The following STK31 variants were observed in gnomAD, a reference collection of about 807,000 sequenced individuals.
The protein encoded by STK31 is serine/threonine-protein kinase 31.
Under a neutral mutation model 129.7 loss-of-function variants are expected in STK31, and 89 were observed. The ratio of observed to expected loss-of-function variants is 0.69; its 90% CI spans 0.58 to 0.82. The LOEUF is 0.82. STK31 is among the 40% of genes least tolerant of loss of function. The probability of loss-of-function intolerance (pLI) is 0.00; values close to 1 mark genes in which losing one functional copy is unlikely to be tolerated. For missense variants in STK31, 1,187 were observed against 1,176.4 expected, an observed-to-expected ratio of 1.01 and a Z score of -0.13; for synonymous variants, 448 against 395.3, an observed-to-expected ratio of 1.13 and a Z score of -1.58.
chr7:23,763,316 G>A lies in STK31; in HGVS notation c.1416+393G>A, dbSNP rs888605360. ...AGGGTTTTTAGGCTCCATGACCAGG[G>A]AAGTTTCTCCCTGATGTGATCAGAG... On this transcript the variant is annotated intron_variant, in intron 11 of 23. Transcript: ENST00000355870. Among the ~76,000 whole-genome samples, 7 of 152,136 alleles carry A rather than the reference G, an allele frequency of 4.6e-5. No homozygotes were observed. The East Asian group carries it at 1.3e-3, about 29-fold the overall frequency.
At chr7:23,773,043 A>G (rs1790299329) in intron 15 of STK31, among the ~76,000 whole-genome samples, 1 of 151,996 alleles carries the variant, frequency 6.6e-6, no homozygotes, top group South Asian at 2.1e-4. Context: ...CAACTTTTGG[A>G]GAAATCTGAC....
At position 23,735,541 on chromosome 7, in the gene STK31, A is replaced by G. The variant is rs1787667115; in HGVS notation, c.487A>G (p.Thr163Ala). ...TTTATGTTTTCTTCTTTCTTAGGGC[A>G]CAACCTTTTTGGGGAGCTTGATTTT... ...DQEVTQFDQG[T>A]TFLGSLIFEK... The change falls in exon 7 of 24, where the codon ACA becomes GCA. Residue 163 changes from threonine to alanine, a missense_variant. Around this residue, in one of 5 missense-constraint regions of STK31, gnomAD observed 103 missense variants for 110.4 expected, o/e 0.93. Transcript: ENST00000355870. 2 of 1,591,952 alleles carry G rather than the reference A, an allele frequency of 1.3e-6. No individual in the cohort carries two copies. Among genetic ancestry groups the G allele is most frequent in the Non-Finnish European group, 1.7e-6 (2 of 1,168,314 alleles).
At chr7:23,795,175 TG>T (rs1193675991) in intron 22 of STK31, among the ~76,000 whole-genome samples, 1 of 152,214 alleles carries the variant, frequency 6.6e-6, no homozygotes. Flanking sequence ...AATGGTTTCA[TG>T]GGCTGGGCCC....
In STK31 at chr7:23,810,600, T is replaced by TTA. The variant is rs60718598; in HGVS notation, c.2761-4527_2761-4526dup. On this transcript the variant is annotated intron_variant, in intron 22 of 23. Coordinates refer to ENST00000355870, the MANE Select transcript of STK31 (RefSeq NM_031414.5). ...GAAAAAATTTTAAGAGTCCATCTTT[T>TTA]TATATATATATATATATAATATATA... 3.4e-4 allele frequency among the ~76,000 whole-genome samples: 45 copies of TTA among 133,144 alleles called. 1 individual carries two copies. Among genetic ancestry groups the TTA allele is most frequent in the Non-Finnish European group, 5.6e-4 (36 of 63,794 alleles). 87.3% of individuals were successfully genotyped at this position (133,144 alleles called of 152,430 possible).
chr7:23,797,696 A>G (rs905197664), intron 22 of STK31, among the ~76,000 whole-genome samples: 6 of 152,204 alleles, frequency 3.9e-5, no homozygotes, highest in South Asian at 2.1e-4. Context: ...ATCACAATTA[A>G]AAGATCTACA....
intron 14 of STK31, 156 bp downstream of exon 14, chr7:23,771,280 A>G (rs1584417745): frequency 1.3e-5 from 8 of 610,350 alleles, no homozygotes; most frequent in Non-Finnish European, 1.7e-5. Flanking sequence ...TGATATAAAT[A>G]TATCAAATTT....
chr7:23,769,813 T>C, intron 13 of STK31, 57 bp downstream of exon 13: 1 of 1,183,348 alleles, frequency 8.5e-7, no homozygotes, highest in Non-Finnish European at 1.2e-6. Context: ...TTTCCTTTCA[T>C]GGTTAGAAAG....
At chr7:23,783,416 G>A (rs781557511) in intron 16 of STK31, among the ~76,000 whole-genome samples, 167 bp from the exon 17 acceptor site, 18 of 152,314 alleles carry the variant, frequency 1.2e-4, no homozygotes, top group Non-Finnish European at 2.2e-4. Flanking sequence ...TGCAAGGTGA[G>A]TCGTGGTTTT....
intron 9 of STK31, among the ~76,000 whole-genome samples, chr7:23,753,901 G>A (rs2128093674): frequency 6.6e-6 from 1 of 152,194 alleles, no homozygotes; most frequent in East Asian, 1.9e-4. Context: ...AGATCAATTA[G>A]CCTATGATAC....
At position 23,788,086 on chromosome 7, in the gene STK31, G is replaced by A. The variant is rs756117944; in HGVS notation, c.2594G>A (p.Arg865His). 5 of 1,611,526 alleles carry A rather than the reference G, an allele frequency of 3.1e-6. No individual in the cohort carries two copies. Among genetic ancestry groups the A allele is most frequent in the African/African-American group, 1.3e-5 (1 of 74,896 alleles). ...CAGAACAATGTATTTGCTTTAAACC[G>A]TGAACAAGGAATTGTTGGAGATTTT... ...LHQNNVFALNREQGIVGDFDF... is the reference protein window; with the variant it reads ...LHQNNVFALNHEQGIVGDFDF... The change falls in exon 21 of 24, where the codon CGT (arginine) becomes CAT (histidine). Residue 865 changes from arginine (R) to histidine (H), a missense_variant. Coordinates refer to ENST00000355870, the MANE Select transcript of STK31 (RefSeq NM_031414.5).
chr7:23,801,216 C>G (rs1453409018), intron 22 of STK31, among the ~76,000 whole-genome samples: 2 of 152,134 alleles, frequency 1.3e-5, no homozygotes, highest in African/African-American at 4.8e-5. Flanking sequence ...GTCGGCACCT[C>G]GTATTGTTAT....
At position 23,770,163 on chromosome 7, in the gene STK31, C is replaced by T. The variant is rs889911764; in HGVS notation, c.1713+407C>T. ...AAGTTGACACACAAGATGGAGTGGT[C>T]ATCCTCTTTCTTTCTCCATTGTGTA... On this transcript the variant is annotated intron_variant, in intron 13 of 23. Transcript: ENST00000355870. Among the ~76,000 whole-genome samples, 3 of 152,192 alleles carry T rather than the reference C, an allele frequency of 2.0e-5. No individual in the cohort carries two copies. The East Asian group carries it at 5.8e-4, about 29-fold the overall frequency.
chr7:23,783,196 T>C (rs1251942807), intron 16 of STK31, among the ~76,000 whole-genome samples: 1 of 152,178 alleles, frequency 6.6e-6, no homozygotes, highest in East Asian at 1.9e-4. Flanking sequence ...TTTGCCTTAT[T>C]TGAACACAGT....
At chr7:23,807,680 TTC>T (rs1252812809) in intron 22 of STK31, among the ~76,000 whole-genome samples, 5 of 152,166 alleles carry the variant, frequency 3.3e-5, no homozygotes, top group Admixed American at 3.3e-4. Flanking sequence ...TATACAAATT[TTC>T]TGTCTTTTAT....
At chr7:23,813,626 G>C (rs757971017) in intron 22 of STK31, among the ~76,000 whole-genome samples, 4 of 152,108 alleles carry the variant, frequency 2.6e-5, no homozygotes, top group Non-Finnish European at 5.9e-5. Flanking sequence ...TGATCTGCTT[G>C]AGTTGTTGCG....
chr7:23,726,079 A>G (rs1489206859), intron 4 of STK31: 2 of 152,196 alleles, frequency 1.3e-5, no homozygotes, highest in South Asian at 2.1e-4. Context: ...CTACTATCCA[A>G]TCACCTCCTA....
intron 23 of STK31, among the ~76,000 whole-genome samples, chr7:23,826,798 A>G (rs992593439): frequency 3.9e-5 from 6 of 152,278 alleles, no homozygotes; most frequent in Non-Finnish European, 5.9e-5. Flanking sequence ...GGTGGTGACA[A>G]AATCTCTCAG....
At chr7:23,791,084 A>T in intron 22 of STK31, 138 bp downstream of exon 22, 1 of 944,890 alleles carries the variant, frequency 1.1e-6, no homozygotes, top group Non-Finnish European at 1.4e-6. Flanking sequence ...AAAACTATTG[A>T]TATGCTTCCT....
At chr7:23,830,077 G>C (rs1041628773) in intron 23 of STK31, among the ~76,000 whole-genome samples, 3 of 151,746 alleles carry the variant, frequency 2.0e-5, no homozygotes, top group African/African-American at 4.8e-5. Context: ...AGCCTTCCAC[G>C]TAGCTGGGAC....
Sources: gnomAD v4.1 joint callset for allele counts (sites outside exome capture counted in the v4.1 genomes callset) on GRCh38, gnomAD v4.1.1 for gene constraint, gnomAD v4.1.1 regional missense constraint, MANE v1.5 for transcripts, NCBI Gene and HGNC (gene_info 2026-07-23, HGNC 2026-07-21) for gene names.